Variants in TBC1D1 observed in about 807,000 individuals in gnomAD.
TBC1D1 encodes the protein TBC1 domain family member 1.
A neutral mutation model predicts 125.6 loss-of-function variants in TBC1D1; 89 were observed. The observed-to-expected ratio is 0.71, with a 90% CI of 0.60 to 0.85. TBC1D1 has a LOEUF of 0.85. Among genes scored for constraint, TBC1D1 ranks in the 40% least tolerant of loss-of-function variants. TBC1D1 has a pLI of 0.00. For missense variants in TBC1D1, 1,377 were observed against 1,469.2 expected (o/e 0.94, Z 1.03); for synonymous variants, 565 against 564.1 (o/e 1.00, Z -0.02).
intron 2 of TBC1D1, among the ~76,000 whole-genome samples, chr4:37,909,163 C>T (rs1717997267): frequency 6.6e-6 from 1 of 152,152 alleles, no homozygotes; most frequent in Non-Finnish European, 1.5e-5. Flanking sequence ...TCGCCTTTCC[C>T]AGTAACGGCA....
At chr4:38,020,877 A>G (rs1441061540) in intron 5 of TBC1D1, 182 bp downstream of exon 5, 2 of 438,664 alleles carry the variant, frequency 4.6e-6, no homozygotes, top group Non-Finnish European at 4.2e-6. Flanking sequence ...TTGGCTGTGC[A>G]TTTTATATTT....
chr4:37,990,787 G>C (rs1736386876), intron 2 of TBC1D1, among the ~76,000 whole-genome samples: 1 of 152,170 alleles, frequency 6.6e-6, no homozygotes, highest in Admixed American at 6.5e-5. Flanking sequence ...ATTCTCTAGT[G>C]TGTTAATCAG....
At chr4:37,978,595 G>A (rs1221990084) in intron 2 of TBC1D1, among the ~76,000 whole-genome samples, 1 of 152,212 alleles carries the variant, frequency 6.6e-6, no homozygotes, top group Non-Finnish European at 1.5e-5. Context: ...CAAAATTGGA[G>A]ACACAGAAAC....
In TBC1D1 at chr4:38,118,132, C is replaced by T. The variant is rs200460442; in HGVS notation, c.2902C>T (p.Pro968Ser). The change falls in exon 17 of 20, where the codon CCC becomes TCC. Residue 968 changes from proline (P) to serine (S), a missense_variant. By Grantham distance (74) the Pro-to-Ser change is moderately conservative. Coordinates refer to ENST00000261439, the MANE Select transcript of TBC1D1 (RefSeq NM_015173.4). ...GATCGGCCCCAGCCTCTACGCTGCC[C>T]CCTGGTTCCTCACCATGTTTGCCTC... 6.1e-5 allele frequency: 98 copies of T among 1,614,190 alleles called. No individual in the cohort carries two copies. The highest frequency in any genetic ancestry group is 3.3e-4 in the Admixed American group (20 of 60,024).
At chr4:38,052,266 T>G (rs1162320109) in intron 11 of TBC1D1, among the ~76,000 whole-genome samples, 4 of 152,056 alleles carry the variant, frequency 2.6e-5, no homozygotes, top group African/African-American at 9.7e-5. Context: ...TTAATTTTAC[T>G]ATTGATGACT....
rs772487620 is a variant in TBC1D1, at chr4:38,044,489, G to A, written c.1541G>A (p.Arg514Gln). The change falls in exon 9 of 20, where the codon CGG (arginine) becomes CAG (glutamine). Residue 514 changes from arginine (R) to glutamine (Q), a missense_variant and splice_region_variant. By Grantham distance (43) the Arg-to-Gln change is conservative. Transcript: ENST00000261439. ...GAGTCTTTAGAAAGTATTTTGTCCC[G>A]GGTAAGTAGCATAATTTCTCCTGAT... 15 of 1,604,112 alleles carry A rather than the reference G, an allele frequency of 9.4e-6. No individual in the cohort carries two copies. Among genetic ancestry groups the A allele is most frequent in the South Asian group, 3.4e-5 (3 of 88,644 alleles).
In TBC1D1 at chr4:38,115,395, C is replaced by T. The variant is rs542499653; in HGVS notation, c.2558-315C>T. ...GGGATTACAGGCATGAGCCACCACACCTGGCCAACAGTTTTCTTTTTTCGA... is the reference window on the plus strand; with the variant it reads ...GGGATTACAGGCATGAGCCACCACATCTGGCCAACAGTTTTCTTTTTTCGA... On this transcript the variant is annotated intron_variant, in intron 15 of 19. Transcript: ENST00000261439. 1.5e-3 allele frequency among the ~76,000 whole-genome samples: 229 copies of T among 152,332 alleles called. 2 individuals carry two copies. Among genetic ancestry groups the T allele is most frequent in the Non-Finnish European group, 1.1e-3 (73 of 68,038 alleles).
intron 12 of TBC1D1, among the ~76,000 whole-genome samples, chr4:38,074,744 G>C (rs979816161): frequency 1.3e-5 from 2 of 150,906 alleles, no homozygotes; most frequent in Non-Finnish European, 2.9e-5. Context: ...GGTCAGTAGA[G>C]ACTTTCTTAG....
At chr4:38,081,963 T>A (rs1756644922) in intron 12 of TBC1D1, among the ~76,000 whole-genome samples, 1 of 152,128 alleles carries the variant, frequency 6.6e-6, no homozygotes, top group South Asian at 2.1e-4. Flanking sequence ...TGTCTTGCCG[T>A]GGAGGGATAA....
In TBC1D1 at chr4:38,045,861, T is replaced by A; in HGVS notation, c.1587T>A (p.Asp529Glu). The A allele has an allele frequency of 6.2e-7, 1 of 1,614,180 alleles. No homozygotes were observed. Among genetic ancestry groups the A allele is most frequent in the Non-Finnish European group, 8.5e-7 (1 of 1,180,020 alleles). Residue 529 changes from aspartate to glutamate, a missense_variant, in exon 10 of 20, where the codon GAT becomes GAA. Asp to Glu is a conservative substitution (Grantham distance 45). Coordinates refer to ENST00000261439, the MANE Select transcript of TBC1D1 (RefSeq NM_015173.4). ...TGCAGGAACACTCCATCAGTGTGGATCTGGATAGCTCCCTGTCTAGTACAT... is the reference window on the plus strand; with the variant it reads ...TGCAGGAACACTCCATCAGTGTGGAACTGGATAGCTCCCTGTCTAGTACAT...
At position 37,995,211 on chromosome 4, in the gene TBC1D1, G is replaced by A. The variant is rs953784601; in HGVS notation, c.418-19298G>A. Reference sequence around the variant, plus strand: ...GGAGATGAGATTTTCTTCCTCATATGCTAGGAGCCTGGACAGATAAAGGTG... The same window carrying A: ...GGAGATGAGATTTTCTTCCTCATATACTAGGAGCCTGGACAGATAAAGGTG... On this transcript the variant is annotated intron_variant, in intron 2 of 19. Transcript: ENST00000261439. This position sits in a 1 kb window ranked among gnomAD's most constrained non-coding sequence, Gnocchi z 4.3. Among the ~76,000 whole-genome samples, 6 of 152,180 alleles carry A rather than the reference G, an allele frequency of 3.9e-5. No individual in the cohort carries two copies. The highest frequency in any genetic ancestry group is 1.4e-4 in the African/African-American group (6 of 41,442).
chr4:37,976,249 A>C (rs1733055031), intron 2 of TBC1D1, among the ~76,000 whole-genome samples: 1 of 152,230 alleles, frequency 6.6e-6, no homozygotes, highest in South Asian at 2.1e-4. Context: ...TATGTGAATG[A>C]GCATGGAAGT....
chr4:38,038,626 G>T (rs1444936775), intron 8 of TBC1D1, among the ~76,000 whole-genome samples: 1 of 152,118 alleles, frequency 6.6e-6, no homozygotes, highest in East Asian at 1.9e-4. Context: ...CTACATTCAG[G>T]TAGCTCAAAC....
At chr4:38,036,159 G>A (rs1415658177) in intron 8 of TBC1D1, among the ~76,000 whole-genome samples, 1 of 152,204 alleles carries the variant, frequency 6.6e-6, no homozygotes, top group East Asian at 1.9e-4. Flanking sequence ...TGCTATTCAG[G>A]TTAGAACTTG....
At chr4:37,989,959 AC>A (rs1405653268) in intron 2 of TBC1D1, among the ~76,000 whole-genome samples, 1 of 152,226 alleles carries the variant, frequency 6.6e-6, no homozygotes, top group Non-Finnish European at 1.5e-5. Flanking sequence ...ATTTTGGAAT[AC>A]TTTAAAAATA....
intron 2 of TBC1D1, among the ~76,000 whole-genome samples, chr4:37,972,813 A>C (rs1732313439): frequency 6.6e-6 from 1 of 151,562 alleles, no homozygotes; most frequent in Admixed American, 6.6e-5. Context: ...GAGGCAGAAG[A>C]ATTGTTTGAA....
chr4:38,009,047 C>A (rs1457089047), intron 2 of TBC1D1, among the ~76,000 whole-genome samples: 3 of 152,156 alleles, frequency 2.0e-5, no homozygotes, highest in Non-Finnish European at 4.4e-5. Flanking sequence ...AATAGGCACT[C>A]ATATTTTCTC....
intron 12 of TBC1D1, among the ~76,000 whole-genome samples, chr4:38,071,634 T>C (rs1445034688): frequency 1.3e-5 from 2 of 152,216 alleles, no homozygotes; most frequent in Non-Finnish European, 2.9e-5. Context: ...AAATGGTTCC[T>C]GCCTCATGCC....
intron 12 of TBC1D1, among the ~76,000 whole-genome samples, chr4:38,079,469 A>G (rs759430285): frequency 9.9e-5 from 15 of 152,200 alleles, no homozygotes; most frequent in Non-Finnish European, 1.6e-4. Flanking sequence ...TCATGCCTGT[A>G]TCCCAGCACG....
Sources: gnomAD v4.1 joint callset for allele counts (sites outside exome capture counted in the v4.1 genomes callset) on GRCh38, gnomAD v4.1.1 for gene constraint, Gnocchi (gnomAD v3.1) non-coding constraint, MANE v1.5 for transcripts, NCBI Gene and HGNC (gene_info 2026-07-23, HGNC 2026-07-21) for gene names.